Variants in TMX3 observed in about 807,000 individuals in gnomAD.
The protein encoded by TMX3 is protein disulfide-isomerase TMX3.
TMX3 carries 40 observed loss-of-function variants against 64.4 expected under a neutral mutation model. The ratio of observed to expected loss-of-function variants is 0.62; its 90% CI spans 0.48 to 0.81. The LOEUF (loss-of-function observed/expected upper bound fraction) is 0.81. Ranked by LOEUF, TMX3 falls within the 30% of genes least tolerant of loss-of-function variation. The pLI is 0.00. For synonymous variants in TMX3, 189 were observed against 175.7 expected (o/e 1.08, Z -0.60); for missense variants, 497 against 534.5 (o/e 0.93, Z 0.69).
In TMX3 at chr18:68,710,226, TA is replaced by T; in HGVS notation, c.142-83del. 5.7e-6 allele frequency: 7 copies of T among 1,238,554 alleles called. No individual in the cohort carries two copies. The Middle Eastern group carries it at 1.4e-3, about 251-fold the overall frequency. The allele number at this position is 1,238,554 out of a possible 1,614,324, so 76.7% of individuals were successfully genotyped here. A position where few individuals can be genotyped will look rare whatever the true frequency, so the allele number is the denominator to read the frequency against. On this transcript the variant is annotated intron_variant, in intron 3 of 15. Transcript: ENST00000299608. ...TACAGTAAATATGAATCTTAATATT[TA>T]AAGAATCCCTTTGACTAAATGATCT...
intron 13 of TMX3, 80 bp from the exon 14 acceptor site, chr18:68,681,190 G>A (rs2145011284): frequency 1.6e-6 from 2 of 1,213,198 alleles, no homozygotes; most frequent in East Asian, 5.5e-5. Context: ...TATCTCAGTA[G>A]CCATAATTAT....
chr18:68,714,193 A>T (rs527519900), intron 1 of TMX3: 2 of 200,182 alleles, frequency 1.0e-5, no homozygotes, highest in African/African-American at 2.3e-5. Context: ...TCTCTTTTTA[A>T]CCATCCTATC....
At chr18:68,713,780 G>T in intron 2 of TMX3, 66 bp downstream of exon 2, 1 of 785,502 alleles carries the variant, frequency 1.3e-6, no homozygotes, top group Non-Finnish European at 1.8e-6. Context: ...AGAATCACAT[G>T]CAAATATTCA....
intron 9 of TMX3, among the ~76,000 whole-genome samples, chr18:68,689,217 TG>T (rs1441981036): frequency 6.6e-6 from 1 of 152,172 alleles, no homozygotes. Flanking sequence ...GTTAGAGAAA[TG>T]GGGCCTTTAC....
intron 8 of TMX3, among the ~76,000 whole-genome samples, chr18:68,696,097 A>C (rs574367855): frequency 6.6e-6 from 1 of 152,160 alleles, no homozygotes; most frequent in South Asian, 2.1e-4. Flanking sequence ...ACATTTCTTG[A>C]CCAATCAACC....
In TMX3 at chr18:68,700,419, A is replaced by G. The variant is rs146293668; in HGVS notation, c.378T>C (p.Ala126=). The G allele has an allele frequency of 2.5e-6, 4 of 1,579,064 alleles. No individual in the cohort carries two copies. Among genetic ancestry groups the G allele is most frequent in the Non-Finnish European group, 3.4e-6 (4 of 1,164,132 alleles). Residue 126 remains alanine (A), a synonymous_variant, in exon 6 of 16, where the codon GCT becomes GCC. Coordinates refer to ENST00000299608, the MANE Select transcript of TMX3 (RefSeq NM_019022.5). Reference sequence around the variant, plus strand: ...TAATAACTTACCCAGATACTCTGTGAGCAAACTCAATAATATCATCTTTTG... The same window carrying G: ...TAATAACTTACCCAGATACTCTGTGGGCAAACTCAATAATATCATCTTTTG... ...PRTKDDIIEF[A]HRVSGALIRP...
Position 68,710,096 on chromosome 18 carries a change from T to C in TMX3, c.190A>G (p.Asn64Asp). ...GHCKKLEPIW[N>D]EVGLEMKSIG... ...CTTTTCATCTCAAGACCAACTTCAT[T>C]CCAAATTGGTTCCAGCTTTTTACAA... is the stretch of plus-strand genomic sequence containing the variant. Residue 64 changes from asparagine to aspartate, a missense_variant, in exon 4 of 16, where the codon AAT (asparagine) becomes GAT (aspartate). This residue lies in a region of TMX3 where 360 missense variants were observed against 383.5 expected (regional missense o/e 0.94). Coordinates refer to ENST00000299608, the MANE Select transcript of TMX3 (RefSeq NM_019022.5). 1.2e-6 allele frequency: 2 copies of C among 1,603,144 alleles called. No individual in the cohort carries two copies. Among genetic ancestry groups the C allele is most frequent in the East Asian group, 2.3e-5 (1 of 44,268 alleles).
intron 15 of TMX3, among the ~76,000 whole-genome samples, chr18:68,678,097 G>A (rs1913092964): frequency 6.6e-6 from 1 of 152,086 alleles, no homozygotes; most frequent in Admixed American, 6.6e-5. Flanking sequence ...TGGGCAAGTG[G>A]AAGTATGGAA....
chr18:68,677,284 T>G, intron 15 of TMX3, 91 bp from the exon 16 acceptor site: 7 of 1,390,684 alleles, frequency 5.0e-6, no homozygotes, highest in Non-Finnish European at 5.8e-6. Context: ...TAGATTTCTC[T>G]TGTTGCTATT....
At chr18:68,709,075 CAA>C (rs2031006090) in intron 4 of TMX3, among the ~76,000 whole-genome samples, 1 of 152,042 alleles carries the variant, frequency 6.6e-6, no homozygotes, top group Non-Finnish European at 1.5e-5. Flanking sequence ...GTATTGAATA[CAA>C]AAGATTTTAT....
intron 3 of TMX3, among the ~76,000 whole-genome samples, chr18:68,710,761 G>C (rs1369992804): frequency 2.0e-5 from 3 of 152,090 alleles, no homozygotes; most frequent in Admixed American, 2.0e-4. Context: ...CATGAAACAA[G>C]ATTTTTTAAC....
chr18:68,682,926 C>G lies in TMX3; in HGVS notation c.904G>C (p.Asp302His), dbSNP rs1913578842. Residue 302 changes from aspartate to histidine, a missense_variant and splice_region_variant, in exon 13 of 16, where the codon GAT (aspartate) becomes CAT (histidine). By Grantham distance (81) the Asp-to-His change is moderately conservative. This residue lies in a region of TMX3 where 360 missense variants were observed against 383.5 expected (regional missense o/e 0.94). Transcript: ENST00000299608. ...AAAATCATTCAGCACTTTACTTACT[C>G]CATCAGCAAGGTATTTATGTAGTCA... The part of the protein sequence containing the change: ...GNDYINTLLM[D>H]ELTVPTVVVL... The G allele has an allele frequency of 4.4e-6, 7 of 1,605,570 alleles. No homozygotes were observed. The highest frequency in any genetic ancestry group is 3.4e-5 in the Admixed American group (2 of 59,346).
Position 68,679,543 on chromosome 18 carries a change from G to A in TMX3, c.1036-12C>T, listed in dbSNP as rs1913225876. The A allele has an allele frequency of 1.9e-6, 3 of 1,605,180 alleles. No homozygotes were observed. The highest frequency in any genetic ancestry group is 1.3e-5 in the African/African-American group (1 of 74,390). On this transcript the variant is annotated splice_polypyrimidine_tract_variant and intron_variant, in intron 14 of 15. Transcript: ENST00000299608. ...TCACCTCCTTGGGCCTTCAAAAAAG[G>A]AAAAGAAAAATAAATTATTTAAGCA...
intron 8 of TMX3, among the ~76,000 whole-genome samples, chr18:68,692,954 T>A (rs1316195061): frequency 6.6e-6 from 1 of 152,154 alleles, no homozygotes; most frequent in Non-Finnish European, 1.5e-5. Context: ...CAGCAAACCC[T>A]CTGGTGCACT....
chr18:68,708,031 A>T (rs1047546754), intron 4 of TMX3, among the ~76,000 whole-genome samples: 9 of 130,740 alleles, frequency 6.9e-5, no homozygotes, highest in Non-Finnish European at 1.1e-4. Context: ...ATATGTGTAT[A>T]TGTGTATATA....
rs976710074 is a variant in TMX3 at position 68,676,704 on chromosome 18, C to G, written c.*229G>C. The G allele has an allele frequency of 3.0e-5, 16 of 539,614 alleles. No homozygotes were observed. The highest frequency in any genetic ancestry group is 2.1e-4 in the Admixed American group (6 of 29,072). The allele number at this position is 539,614 out of a possible 1,614,324, so 33.4% of individuals were successfully genotyped here. On this transcript the variant is annotated 3_prime_UTR_variant, in exon 16 of 16. Coordinates refer to ENST00000299608, the MANE Select transcript of TMX3 (RefSeq NM_019022.5). ...ATTGTTCTGTTCTAATCACAAAGAT[C>G]AGGTAAATTTTGATGGAGTGCTCTG...
intron 15 of TMX3, among the ~76,000 whole-genome samples, chr18:68,677,536 C>T (rs1042518601): frequency 8.5e-5 from 13 of 152,090 alleles, no homozygotes; most frequent in African/African-American, 2.7e-4. Flanking sequence ...TTTAGAGTTG[C>T]TTCCTGAACC....
chr18:68,707,274 G>A (rs1400657007), intron 4 of TMX3, among the ~76,000 whole-genome samples: 1 of 151,846 alleles, frequency 6.6e-6, no homozygotes, highest in Admixed American at 6.6e-5. Flanking sequence ...AAGGTCGGGG[G>A]CAAGTAGTTG....
intron 10 of TMX3, chr18:68,687,054 A>T (rs1175753916): frequency 1.0e-6 from 1 of 982,012 alleles, no homozygotes; most frequent in East Asian, 1.1e-4. Context: ...CTTATCATAA[A>T]GCTATTAATG....
Sources: allele counts gnomAD v4.1 joint callset (sites outside exome capture counted in the v4.1 genomes callset), GRCh38; gene constraint gnomAD v4.1.1; regional missense constraint gnomAD v4.1.1; transcripts MANE v1.5; gene names NCBI Gene and HGNC (gene_info 2026-07-23, HGNC 2026-07-21).